Variants in PXN observed in about 807,000 individuals in gnomAD.
PXN encodes testicular tissue protein Li 134.
In PXN, 61 loss-of-function variants were observed where a neutral mutation model predicts 103.6. The observed-to-expected ratio is 0.59, with a 90% CI of 0.48 to 0.73. The LOEUF (loss-of-function observed/expected upper bound fraction) is 0.73. Among genes scored for constraint, PXN ranks in the 30% least tolerant of loss-of-function variants. The probability of loss-of-function intolerance (pLI) is 0.00; values close to 1 mark genes in which losing one functional copy is unlikely to be tolerated. For synonymous variants in PXN, 562 were observed against 607.8 expected (o/e 0.92, Z 1.11); for missense variants, 1,274 against 1,460.3 (o/e 0.87, Z 2.08).
intron 1 of PXN, chr12:120,226,352 C>A (rs1886873573): frequency 3.1e-6 from 4 of 1,289,238 alleles, no homozygotes; most frequent in Non-Finnish European, 4.0e-6. Flanking sequence ...AGGAGCTTCA[C>A]CTTTGTTACC....
chr12:120,238,239 G>A (rs1889473847), intron 1 of PXN, among the ~76,000 whole-genome samples: 1 of 152,210 alleles, frequency 6.6e-6, no homozygotes, highest in African/African-American at 2.4e-5. Context: ...ATATCAAGGT[G>A]CAGGGGAGAG....
Position 120,216,923 on chromosome 12 carries a change from G to C in PXN, c.1910C>G (p.Ser637Cys), listed in dbSNP as rs1883273535. 1 of 1,531,682 alleles carries C rather than the reference G, an allele frequency of 6.5e-7. No individual in the cohort carries two copies. The highest frequency in any genetic ancestry group is 8.7e-7 in the Non-Finnish European group (1 of 1,143,610). The allele number at this position is 1,531,682 out of a possible 1,614,324, so 94.9% of individuals were successfully genotyped here. Residue 637 changes from serine (S) to cysteine (C), a missense_variant, in exon 8 of 15, where the codon TCT becomes TGT. By Grantham distance (112) the Ser-to-Cys change is moderately radical. Around this residue, in one of 2 missense-constraint regions of PXN, gnomAD observed 1,178 missense variants for 1,309.0 expected, o/e 0.90. Coordinates refer to ENST00000637617, the MANE Select transcript of PXN (RefSeq NM_001385981.1). The surrounding 1 kb of genome is among the most constrained non-coding windows in gnomAD (Gnocchi z 5.1). ...GCCCTCGGTCAGCCAGTCCTGGGCA[G>C]AGGGCCCCGCCGCCTCCGCCGGCTC... is the stretch of plus-strand genomic sequence containing the variant. The part of the protein sequence containing the change: ...AEEPAEAAGP[S>C]AQDWLTEGVI...
rs777230189 is a variant in PXN at position 120,215,059 on chromosome 12, G to A, written c.2574+44C>T. On this transcript the variant is annotated intron_variant, in intron 11 of 14. Coordinates refer to ENST00000637617, the MANE Select transcript of PXN (RefSeq NM_001385981.1). This position sits in a 1 kb window ranked among gnomAD's most constrained non-coding sequence, Gnocchi z 4.9. The stretch of plus-strand genomic sequence containing the variant: ...CCAGCCCCGGAGCACCCCCACCCCT[G>A]CAGGAGTCCACTGGCCACACCCCTG... The A allele has an allele frequency of 1.2e-5, 20 of 1,600,274 alleles. No individual in the cohort carries two copies. Among genetic ancestry groups the A allele is most frequent in the Non-Finnish European group, 1.7e-5 (20 of 1,173,172 alleles).
intron 1 of PXN, among the ~76,000 whole-genome samples, chr12:120,246,926 G>A (rs1399775015): frequency 1.3e-5 from 2 of 151,916 alleles, no homozygotes; most frequent in Non-Finnish European, 2.9e-5. Flanking sequence ...TACTCGAGAG[G>A]CTAAGGCAGG....
Position 120,220,534 on chromosome 12 carries a change from C to T in PXN, c.832-443G>A, listed in dbSNP as rs1453832940. On this transcript the variant is annotated intron_variant, in intron 6 of 14. Coordinates refer to ENST00000637617, the MANE Select transcript of PXN (RefSeq NM_001385981.1). The surrounding 1 kb of genome is among the most constrained non-coding windows in gnomAD (Gnocchi z 6.1). ...TACACCCCAAGTCCTCTACGTCTTC[C>T]ACATCCTTGCTCCAGGGATCTGACT... Among the ~76,000 whole-genome samples, 1 of 152,206 alleles carries T rather than the reference C, an allele frequency of 6.6e-6. No individual in the cohort carries two copies. The highest frequency in any genetic ancestry group is 1.5e-5 in the Non-Finnish European group (1 of 68,038).
At chr12:120,262,800 G>A (rs542603677) in intron 1 of PXN, among the ~76,000 whole-genome samples, 2 of 152,218 alleles carry the variant, frequency 1.3e-5, no homozygotes, top group African/African-American at 4.8e-5. Context: ...TGAACAGAGC[G>A]AACTCTGGGC....
In PXN at chr12:120,222,656, G is replaced by A; in HGVS notation, c.588C>T (p.Pro196=). 6.2e-7 allele frequency: 1 copy of A among 1,608,774 alleles called. No individual in the cohort carries two copies. The highest frequency in any genetic ancestry group is 8.5e-7 in the Non-Finnish European group (1 of 1,177,838). The change falls in exon 5 of 15, where the codon CCC becomes CCT. Residue 196 remains proline (P), a synonymous_variant. Coordinates refer to ENST00000637617, the MANE Select transcript of PXN (RefSeq NM_001385981.1). The surrounding 1 kb of genome is among the most constrained non-coding windows in gnomAD (Gnocchi z 4.7). Reference sequence around the variant, plus strand: ...TCCGCTTAGGCTTCTCTTTCGTCAGGGGCCCAGCTTTGCCTCCCAAGGGGC... The same window carrying A: ...TCCGCTTAGGCTTCTCTTTCGTCAGAGGCCCAGCTTTGCCTCCCAAGGGGC... The part of the protein sequence containing the change: ...TNSPLGGKAG[P]LTKEKPKRNG...
At chr12:120,264,742 G>A (rs996090791) in intron 1 of PXN, among the ~76,000 whole-genome samples, 1 of 152,202 alleles carries the variant, frequency 6.6e-6, no homozygotes, top group African/African-American at 2.4e-5. Context: ...GTTCAGGGAT[G>A]GTCATACCTT....
At position 120,222,391 on chromosome 12, in the gene PXN, G is replaced by A. The variant is rs924395965; in HGVS notation, c.695+158C>T. Reference sequence around the variant, plus strand: ...ACTGGCAGTGACTGGCTGAAGGCAGGGATGGTGTCCATGTGACTCACCACT... The same window carrying A: ...ACTGGCAGTGACTGGCTGAAGGCAGAGATGGTGTCCATGTGACTCACCACT... On this transcript the variant is annotated intron_variant, in intron 5 of 14. Coordinates refer to ENST00000637617, the MANE Select transcript of PXN (RefSeq NM_001385981.1). This position sits in a 1 kb window ranked among gnomAD's most constrained non-coding sequence, Gnocchi z 4.7. Among the ~76,000 whole-genome samples, 3 of 152,224 alleles carry A rather than the reference G, an allele frequency of 2.0e-5. No homozygotes were observed. The highest frequency in any genetic ancestry group is 7.2e-5 in the African/African-American group (3 of 41,474).
Position 120,219,130 on chromosome 12 carries a change from C to A in PXN, c.1716+77G>T. ...CAGACATGCGCAGAGTGGGAGGCTGCATGCAGTTAGCGAGGAGCGGCCCAC... is the reference window on the plus strand; with the variant it reads ...CAGACATGCGCAGAGTGGGAGGCTGAATGCAGTTAGCGAGGAGCGGCCCAC... On this transcript the variant is annotated intron_variant, in intron 7 of 14. Transcript: ENST00000637617. The surrounding 1 kb of genome is among the most constrained non-coding windows in gnomAD (Gnocchi z 6.5). The A allele has an allele frequency of 2.2e-6, 3 of 1,365,188 alleles. No individual in the cohort carries two copies. Among genetic ancestry groups the A allele is most frequent in the Non-Finnish European group, 2.9e-6 (3 of 1,030,390 alleles). 84.6% of individuals were successfully genotyped at this position (1,365,188 alleles called of 1,614,324 possible). A position where few individuals can be genotyped will look rare whatever the true frequency, so the allele number is the denominator to read the frequency against.
intron 1 of PXN, among the ~76,000 whole-genome samples, chr12:120,233,247 G>C (rs1393433544): frequency 6.6e-6 from 1 of 152,134 alleles, no homozygotes; most frequent in Non-Finnish European, 1.5e-5. Flanking sequence ...CTAGACTGCA[G>C]GTCCTCTGTG....
chr12:120,255,871 G>A (rs975087866), intron 1 of PXN, among the ~76,000 whole-genome samples: 8 of 131,964 alleles, frequency 6.1e-5, no homozygotes, highest in Admixed American at 1.8e-4. Flanking sequence ...CATGGCAAAC[G>A]AAACCCCATC....
In PXN at chr12:120,229,572, C is replaced by A. The variant is rs1465655352; in HGVS notation, c.14-5195G>T. 1.3e-5 allele frequency among the ~76,000 whole-genome samples: 2 copies of A among 152,172 alleles called. No homozygotes were observed. The highest frequency in any genetic ancestry group is 1.9e-4 in the East Asian group (1 of 5,194). On this transcript the variant is annotated intron_variant, in intron 1 of 14. Coordinates refer to ENST00000637617, the MANE Select transcript of PXN (RefSeq NM_001385981.1). This position sits in a 1 kb window ranked among gnomAD's most constrained non-coding sequence, Gnocchi z 4.0. The stretch of plus-strand genomic sequence containing the variant: ...TGCTTTTGTGCCTCAGTTTCCTTGT[C>A]TGCCCAATAGGAATTCCACCATTTT...
Position 120,214,997 on chromosome 12 carries a change from A to G in PXN, c.2576T>C (p.Val859Ala), listed in dbSNP as rs1165496908. 6 of 1,612,886 alleles carry G rather than the reference A, an allele frequency of 3.7e-6. No individual in the cohort carries two copies. ...CCACGTCTTCCCCATGGCGGTCACA[A>G]CCTGAGGAGGAGATGGAATGCGGTC... ...GACKKPIAGQVVTAMGKTWHP... is the reference protein window; with the variant it reads ...GACKKPIAGQAVTAMGKTWHP... Residue 859 changes from valine to alanine, a missense_variant and splice_region_variant, in exon 12 of 15, where the codon GTT (valine) becomes GCT (alanine). By Grantham distance (64) the Val-to-Ala change is moderately conservative. Around this residue, in one of 2 missense-constraint regions of PXN, gnomAD observed 1,178 missense variants for 1,309.0 expected, o/e 0.90. Coordinates refer to ENST00000637617, the MANE Select transcript of PXN (RefSeq NM_001385981.1). This position sits in a 1 kb window ranked among gnomAD's most constrained non-coding sequence, Gnocchi z 5.0.
chr12:120,245,947 T>C (rs1340973017), intron 1 of PXN, among the ~76,000 whole-genome samples: 3 of 151,990 alleles, frequency 2.0e-5, no homozygotes, highest in Admixed American at 6.6e-5. Flanking sequence ...ATACGTGAAA[T>C]GGTATGGTAT....
intron 3 of PXN, among the ~76,000 whole-genome samples, chr12:120,223,391 G>T (rs1466553349): frequency 6.6e-6 from 1 of 151,800 alleles, no homozygotes. Flanking sequence ...CCGAGATCGC[G>T]CGACTGCACT....
intron 1 of PXN, among the ~76,000 whole-genome samples, chr12:120,237,446 G>A (rs1018274903): frequency 3.3e-5 from 5 of 152,104 alleles, no homozygotes; most frequent in Non-Finnish European, 7.4e-5. Context: ...ATGACTCCAT[G>A]ACCATCAGCC....
At chr12:120,246,870 A>G (rs1282518612) in intron 1 of PXN, among the ~76,000 whole-genome samples, 2 of 151,602 alleles carry the variant, frequency 1.3e-5, no homozygotes, top group South Asian at 4.2e-4. Context: ...AAAAAAAAAA[A>G]AGAAAAATGT....
Position 120,219,414 on chromosome 12 carries a change from G to T in PXN, c.1509C>A (p.Ser503=). ...RPEPGRLGSS[S]PASVTTEQLG... ...GCTGCTCCGTGGTAACTGAGGCAGG[G>T]GAGCTGCTTCCCAGCCTCCCTGGCT... Residue 503 remains serine (S), a synonymous_variant, in exon 7 of 15, where the codon TCC becomes TCA. Coordinates refer to ENST00000637617, the MANE Select transcript of PXN (RefSeq NM_001385981.1). The surrounding 1 kb of genome is among the most constrained non-coding windows in gnomAD (Gnocchi z 6.5). The T allele has an allele frequency of 6.3e-7, 1 of 1,598,222 alleles. No homozygotes were observed. The highest frequency in any genetic ancestry group is 1.1e-5 in the South Asian group (1 of 91,082).
Sources: allele counts gnomAD v4.1 joint callset (sites outside exome capture counted in the v4.1 genomes callset), GRCh38; gene constraint gnomAD v4.1.1; regional missense constraint gnomAD v4.1.1; non-coding constraint Gnocchi (gnomAD v3.1); transcripts MANE v1.5; gene names NCBI Gene and HGNC (gene_info 2026-07-23, HGNC 2026-07-21).